PLCB1: variants seen among roughly 807,000 people sequenced by gnomAD.
PLCB1 encodes the protein 1-phosphatidylinositol 4,5-bisphosphate phosphodiesterase beta-1.
Under a neutral mutation model 161.8 loss-of-function variants are expected in PLCB1, and 46 were observed. The ratio of observed to expected loss-of-function variants is 0.28; its 90% confidence interval spans 0.22 to 0.36. PLCB1 has a LOEUF of 0.36. Among genes scored for constraint, PLCB1 ranks in the 10% least tolerant of loss-of-function variants. The probability of loss-of-function intolerance (pLI) is 1.00; values close to 1 mark genes in which losing one functional copy is unlikely to be tolerated. For missense variants in PLCB1, 1,016 were observed against 1,472.5 expected (o/e 0.69, Z 5.07); for synonymous variants, 517 against 503.7 (o/e 1.03, Z -0.35).
chr20:8,665,160 T>G (rs1989779414), intron 9 of PLCB1, among the ~76,000 whole-genome samples: 1 of 152,174 alleles, frequency 6.6e-6, no homozygotes, highest in Non-Finnish European at 1.5e-5. Flanking sequence ...CTAAAACTAG[T>G]TCAGAAATCA....
At chr20:8,400,185 A>G (rs1201530697) in intron 3 of PLCB1, among the ~76,000 whole-genome samples, 1 of 152,064 alleles carries the variant, frequency 6.6e-6, no homozygotes, top group East Asian at 1.9e-4. Flanking sequence ...TCCTGATTGG[A>G]TTTTTATCTG....
At chr20:8,252,003 G>A (rs760751222) in intron 2 of PLCB1, among the ~76,000 whole-genome samples, 2 of 151,934 alleles carry the variant, frequency 1.3e-5, no homozygotes, top group Non-Finnish European at 2.9e-5. Context: ...AAGGACCTAG[G>A]TGATGCTATT....
chr20:8,834,654 A>G (rs1243594094), intron 31 of PLCB1, among the ~76,000 whole-genome samples: 1 of 151,932 alleles, frequency 6.6e-6, no homozygotes, highest in Non-Finnish European at 1.5e-5. Context: ...ATCTCTATTA[A>G]AAATACAAAA....
chr20:8,584,425 A>C (rs547055409), intron 3 of PLCB1, among the ~76,000 whole-genome samples: 32 of 151,758 alleles, frequency 2.1e-4, no homozygotes, highest in Non-Finnish European at 4.7e-4. Flanking sequence ...ACAGTGAGTA[A>C]ATTTTAAGTG....
chr20:8,665,132 T>A, intron 9 of PLCB1, among the ~76,000 whole-genome samples: 1 of 152,144 alleles, frequency 6.6e-6, no homozygotes, highest in Admixed American at 6.6e-5. Flanking sequence ...TCTTGGCAAA[T>A]GAAAAGAGTA....
chr20:8,249,093 G>T (rs946829652), intron 2 of PLCB1, among the ~76,000 whole-genome samples: 1 of 151,854 alleles, frequency 6.6e-6, no homozygotes, highest in Admixed American at 6.6e-5. Context: ...GACTTGCATG[G>T]ATATTTCTGA....
chr20:8,821,110 C>G (rs1485204340), intron 31 of PLCB1, among the ~76,000 whole-genome samples: 3 of 152,040 alleles, frequency 2.0e-5, no homozygotes, highest in Admixed American at 6.6e-5. Flanking sequence ...CTATTTTACC[C>G]TCTTTTATAT....
At chr20:8,631,830 G>T (rs535540989) in intron 4 of PLCB1, among the ~76,000 whole-genome samples, 1 of 152,110 alleles carries the variant, frequency 6.6e-6, no homozygotes. Flanking sequence ...AAATCTTTTG[G>T]ATGTCTCCAG....
chr20:8,705,763 A>G (rs1455697971), intron 11 of PLCB1, among the ~76,000 whole-genome samples: 1 of 152,248 alleles, frequency 6.6e-6, no homozygotes, highest in African/African-American at 2.4e-5. Flanking sequence ...AATGGACTGT[A>G]TCCAGGTGAC....
At chr20:8,878,711 T>A (rs1166428753) in intron 31 of PLCB1, among the ~76,000 whole-genome samples, 1 of 152,152 alleles carries the variant, frequency 6.6e-6, no homozygotes, top group Admixed American at 6.5e-5. Flanking sequence ...ATTTTTATTT[T>A]TATTTTTTCA....
chr20:8,855,113 G>T (rs2146306391), intron 31 of PLCB1, among the ~76,000 whole-genome samples: 1 of 152,190 alleles, frequency 6.6e-6, no homozygotes, highest in African/African-American at 2.4e-5. Context: ...GAACTGACTT[G>T]GAAATCTTTC....
intron 2 of PLCB1, among the ~76,000 whole-genome samples, chr20:8,278,750 A>G (rs890122174): frequency 6.6e-6 from 1 of 152,132 alleles, no homozygotes; most frequent in African/African-American, 2.4e-5. Flanking sequence ...AAACACTTGG[A>G]CAAAACCATG....
intron 11 of PLCB1, among the ~76,000 whole-genome samples, chr20:8,701,447 T>A (rs1978351736): frequency 6.6e-6 from 1 of 152,112 alleles, no homozygotes; most frequent in African/African-American, 2.4e-5. Context: ...CAGTGAGGCC[T>A]CCTGGGACCC....
chr20:8,636,765 A>G (rs936466655), intron 4 of PLCB1, among the ~76,000 whole-genome samples: 1 of 152,154 alleles, frequency 6.6e-6, no homozygotes, highest in Non-Finnish European at 1.5e-5. Flanking sequence ...TGTCAAACTG[A>G]AGGGAAAATG....
intron 4 of PLCB1, among the ~76,000 whole-genome samples, chr20:8,640,548 T>G (rs571780915): frequency 6.6e-6 from 1 of 152,324 alleles, no homozygotes; most frequent in Non-Finnish European, 1.5e-5. Flanking sequence ...TAATAGCAAG[T>G]GTTTTCATAA....
At chr20:8,584,459 A>AAC (rs1389049820) in intron 3 of PLCB1, among the ~76,000 whole-genome samples, 1 of 136,382 alleles carries the variant, frequency 7.3e-6, no homozygotes, top group East Asian at 2.2e-4. Flanking sequence ...AATTTACACA[A>AAC]ACACACACAC....
At chr20:8,450,704 G>A (rs989235468) in intron 3 of PLCB1, among the ~76,000 whole-genome samples, 6 of 152,104 alleles carry the variant, frequency 3.9e-5, no homozygotes, top group East Asian at 1.9e-4. Flanking sequence ...GGCATCTATC[G>A]GTGATTGTAT....
At chr20:8,684,835 G>C (rs1246048874) in intron 9 of PLCB1, 97 bp from the exon 10 acceptor site, 2 of 826,496 alleles carry the variant, frequency 2.4e-6, no homozygotes, top group African/African-American at 3.5e-5. Context: ...TTCTACCTTG[G>C]ACACTACAAG....
At chr20:8,172,508 C>G (rs1287616251) in intron 2 of PLCB1, among the ~76,000 whole-genome samples, 1 of 152,130 alleles carries the variant, frequency 6.6e-6, no homozygotes, top group East Asian at 1.9e-4. Flanking sequence ...GAGGTGAGGT[C>G]AGAGAGATTG....
Sources: gnomAD v4.1 joint callset for allele counts (sites outside exome capture counted in the v4.1 genomes callset) on GRCh38, gnomAD v4.1.1 for gene constraint, MANE v1.5 for transcripts, NCBI Gene and HGNC (gene_info 2026-07-23, HGNC 2026-07-21) for gene names.